TLN2: variants seen among roughly 807,000 people sequenced by gnomAD.
TLN2 encodes talin-2.
In TLN2, 118 loss-of-function variants were observed where a neutral mutation model predicts 294.7. That is an observed-to-expected ratio of 0.40 (90% CI 0.34 to 0.47). The LOEUF (loss-of-function observed/expected upper bound fraction) is 0.47. Ranked by LOEUF, TLN2 falls within the 20% of genes least tolerant of loss-of-function variation. The probability of loss-of-function intolerance (pLI) is 0.84; values close to 1 mark genes in which losing one functional copy is unlikely to be tolerated. For synonymous variants in TLN2, 1,431 were observed against 1,304.5 expected, an observed-to-expected ratio of 1.10 and a Z score of -2.09; for missense variants, 3,083 against 3,282.2, an observed-to-expected ratio of 0.94 and a Z score of 1.48.
intron 1 of TLN2, among the ~76,000 whole-genome samples, chr15:62,526,982 G>A (rs868170958): frequency 2.0e-5 from 3 of 152,144 alleles, no homozygotes; most frequent in Admixed American, 6.5e-5. Context: ...ATGTATAGAT[G>A]TATATTTACA....
intron 2 of TLN2, among the ~76,000 whole-genome samples, chr15:62,590,279 A>G (rs1183315141): frequency 6.6e-6 from 1 of 152,116 alleles, no homozygotes; most frequent in Non-Finnish European, 1.5e-5. Context: ...AGTGTCCATT[A>G]GTTATTTTTC....
chr15:62,712,153 G>T (rs1056101419), intron 22 of TLN2, 76 bp downstream of exon 22: 32 of 1,540,314 alleles, frequency 2.1e-5, no homozygotes, highest in Non-Finnish European at 2.7e-5. Context: ...TTCCAGATGG[G>T]GCATGGTCAT....
rs140629688 is a variant in TLN2, at chr15:62,545,233, C to T, written c.-237-44454C>T. On this transcript the variant is annotated intron_variant, in intron 1 of 58. Coordinates refer to ENST00000636159, the MANE Select transcript of TLN2 (RefSeq NM_015059.3). ...GATTACAGGCGTGAGCCACCGCACC[C>T]GGCTGTTATGCTTTTTCTTTTATTG... 2.3e-3 allele frequency among the ~76,000 whole-genome samples: 344 copies of T among 152,200 alleles called. 4 individuals carry two copies. The highest frequency in any genetic ancestry group is 7.9e-3 in the African/African-American group (326 of 41,528).
intron 20 of TLN2, among the ~76,000 whole-genome samples, chr15:62,707,520 C>T (rs1164002572): frequency 1.3e-5 from 2 of 152,218 alleles, no homozygotes; most frequent in African/African-American, 4.8e-5. Context: ...CTTTGGACTT[C>T]TCAGTGCATC....
intron 9 of TLN2, among the ~76,000 whole-genome samples, chr15:62,667,946 C>A (rs930209930): frequency 6.6e-6 from 1 of 152,070 alleles, no homozygotes; most frequent in African/African-American, 2.4e-5. Context: ...GTGAAATAAG[C>A]CACACAGAGA....
intron 1 of TLN2, among the ~76,000 whole-genome samples, chr15:62,473,288 G>C (rs1460678545): frequency 6.6e-6 from 1 of 151,982 alleles, no homozygotes; most frequent in East Asian, 1.9e-4. Flanking sequence ...CTTAAAATGG[G>C]ATTGGGAATA....
chr15:62,603,479 C>T (rs75908992), intron 2 of TLN2, among the ~76,000 whole-genome samples: 5,024 of 152,226 alleles, frequency 0.033, 114 homozygotes, highest in African/African-American at 0.059. Flanking sequence ...GTGTATCTGC[C>T]TCTTCCTCCA....
At chr15:62,648,305 C>T (rs893547164) in intron 4 of TLN2, among the ~76,000 whole-genome samples, 2 of 147,820 alleles carry the variant, frequency 1.4e-5, no homozygotes, top group African/African-American at 2.5e-5. Flanking sequence ...CCTGTAGTCT[C>T]AGGGCAGGAA....
chr15:62,532,049 TTTTC>T (rs2041070080), intron 1 of TLN2, among the ~76,000 whole-genome samples: 3 of 124,544 alleles, frequency 2.4e-5, no homozygotes, highest in Admixed American at 1.6e-4. Flanking sequence ...TCTTTTTCTC[TTTTC>T]TTTTTTTTTT....
intron 1 of TLN2, among the ~76,000 whole-genome samples, chr15:62,428,193 G>A (rs914346525): frequency 6.6e-6 from 1 of 152,214 alleles, no homozygotes; most frequent in Non-Finnish European, 1.5e-5. Flanking sequence ...AGGTAGGTTT[G>A]CATTTCTTAC....
At chr15:62,661,309 T>C (rs1340043422) in intron 9 of TLN2, among the ~76,000 whole-genome samples, 4 of 152,118 alleles carry the variant, frequency 2.6e-5, no homozygotes, top group Non-Finnish European at 4.4e-5. Context: ...GTGTTTGGAA[T>C]TTTTCATAAG....
chr15:62,797,123 A>G, intron 47 of TLN2, 96 bp from the exon 48 acceptor site: 2 of 1,388,654 alleles, frequency 1.4e-6, no homozygotes, highest in Non-Finnish European at 2.0e-6. Flanking sequence ...AAGCCCTTTA[A>G]CAAAAGCCCC....
At chr15:62,522,968 ACACACACACACTCTCTCACT>A (rs1567055405) in intron 1 of TLN2, among the ~76,000 whole-genome samples, 1 of 140,612 alleles carries the variant, frequency 7.1e-6, no homozygotes, top group East Asian at 2.4e-4. Flanking sequence ...ACACACACAC[ACACACACACACTCTCTCACT>A]CACACTCATT....
intron 31 of TLN2, chr15:62,740,405 A>G (rs1410463598): frequency 2.0e-6 from 1 of 503,794 alleles, no homozygotes; most frequent in African/African-American, 1.9e-5. Flanking sequence ...CCACTTGGGG[A>G]TGGATTTCTT....
chr15:62,729,768 G>A (rs2060618655), intron 28 of TLN2, among the ~76,000 whole-genome samples: 1 of 152,018 alleles, frequency 6.6e-6, no homozygotes. Flanking sequence ...GTTGGGGTTC[G>A]AGTCTATCAT....
chr15:62,457,814 C>T (rs1192840267), intron 1 of TLN2, among the ~76,000 whole-genome samples: 1 of 152,158 alleles, frequency 6.6e-6, no homozygotes, highest in Non-Finnish European at 1.5e-5. Context: ...TCCCATTTTG[C>T]CCAGTTCATT....
At chr15:62,428,714 G>A (rs980345787) in intron 1 of TLN2, among the ~76,000 whole-genome samples, 1 of 152,208 alleles carries the variant, frequency 6.6e-6, no homozygotes, top group Non-Finnish European at 1.5e-5. Flanking sequence ...CTAAAGAGAT[G>A]GCATGTGAAA....
chr15:62,578,789 G>A (rs1379208845), intron 1 of TLN2, among the ~76,000 whole-genome samples: 2 of 152,116 alleles, frequency 1.3e-5, no homozygotes, highest in Admixed American at 6.5e-5. Context: ...CCCTGGCATC[G>A]GCCTTTTACA....
chr15:62,421,680 G>A (rs2034405815), intron 1 of TLN2, among the ~76,000 whole-genome samples: 1 of 152,024 alleles, frequency 6.6e-6, no homozygotes, highest in Non-Finnish European at 1.5e-5. Flanking sequence ...TTGGAGGGTA[G>A]GGGGTGGGGG....
Sources: gnomAD v4.1 joint callset for allele counts (sites outside exome capture counted in the v4.1 genomes callset) on GRCh38, gnomAD v4.1.1 for gene constraint, MANE v1.5 for transcripts, NCBI Gene and HGNC (gene_info 2026-07-23, HGNC 2026-07-21) for gene names.